ZP1: variants seen among roughly 807,000 people sequenced by gnomAD.
ZP1 encodes zona pellucida sperm-binding protein 1.
In ZP1, 58 loss-of-function variants were observed where a neutral mutation model predicts 67.4. The observed-to-expected ratio is 0.86, with a 90% confidence interval of 0.70 to 1.07. The LOEUF (loss-of-function observed/expected upper bound fraction) is 1.07. ZP1 is among the 50% of genes least tolerant of loss of function. ZP1 has a pLI of 0.00. For missense variants in ZP1, 759 were observed against 807.3 expected, an observed-to-expected ratio of 0.94 and a Z score of 0.72; for synonymous variants, 333 against 332.7, an observed-to-expected ratio of 1.00 and a Z score of -0.01.
Position 60,869,222 on chromosome 11 carries a change from G to T in ZP1, c.274G>T (p.Ala92Ser). Residue 92 changes from alanine to serine, a missense_variant, in exon 2 of 12, where the codon GCA (alanine) becomes TCA (serine). Coordinates refer to ENST00000278853, the MANE Select transcript of ZP1 (RefSeq NM_207341.4). The stretch of plus-strand genomic sequence containing the variant: ...GGTCACCTCCAGGCCGCAGGAGCCT[G>T]CAGTCTTCTCGGCCGATTACAGAGG... ...HWVTSRPQEPAVFSADYRGCH... is the reference protein window; with the variant it reads ...HWVTSRPQEPSVFSADYRGCH... The T allele has an allele frequency of 6.2e-7, 1 of 1,614,210 alleles. No individual in the cohort carries two copies.
intron 9 of ZP1, among the ~76,000 whole-genome samples, 168 bp from the exon 10 acceptor site, chr11:60,874,765 C>G (rs1000824996): frequency 1.3e-5 from 2 of 152,268 alleles, no homozygotes; most frequent in Admixed American, 6.5e-5. Flanking sequence ...TCTGCACTCC[C>G]TCAGCATGGG....
chr11:60,869,337 C>T (rs1855523427), intron 2 of ZP1, 71 bp downstream of exon 2: 1 of 1,589,722 alleles, frequency 6.3e-7, no homozygotes, highest in African/African-American at 1.4e-5. Context: ...AGAGGCCCCT[C>T]ATGAACCAGA....
chr11:60,871,483 G>C (rs539465410), intron 6 of ZP1, among the ~76,000 whole-genome samples, 169 bp downstream of exon 6: 57 of 152,300 alleles, frequency 3.7e-4, no homozygotes, highest in African/African-American at 1.3e-3. Context: ...CCCCTGCTGG[G>C]CAGGGGAAAT....
Position 60,869,723 on chromosome 11 carries a change from G to A in ZP1, c.505G>A (p.Gly169Ser), listed in dbSNP as rs1376266992. ...AACCCTTTCCTTCCTCCCCACCTCT[G>A]GCCATACCTCCCAAGGCTCTGGCCA... is the stretch of plus-strand genomic sequence containing the variant. The part of the protein sequence containing the change: ...PQTLSFLPTS[G>S]HTSQGSGHAF... The change falls in exon 3 of 12, where the codon GGC becomes AGC. Residue 169 changes from glycine (G) to serine (S), a missense_variant. Transcript: ENST00000278853. 1 of 1,613,448 alleles carries A rather than the reference G, an allele frequency of 6.2e-7. No individual in the cohort carries two copies. Among genetic ancestry groups the A allele is most frequent in the Non-Finnish European group, 8.5e-7 (1 of 1,179,740 alleles).
intron 6 of ZP1, 96 bp downstream of exon 6, chr11:60,871,410 A>C: frequency 7.4e-7 from 1 of 1,345,524 alleles, no homozygotes; most frequent in East Asian, 2.5e-5. Flanking sequence ...CTCAGCTCAA[A>C]CCCAGGCTCT....
intron 9 of ZP1, 69 bp downstream of exon 9, chr11:60,873,844 T>C: frequency 6.3e-7 from 1 of 1,591,176 alleles, no homozygotes; most frequent in Non-Finnish European, 8.5e-7. Context: ...GCCAAATCCC[T>C]CTGGCACCCT....
Position 60,869,749 on chromosome 11 carries a change from T to G in ZP1, c.531T>G (p.His177Gln). The change falls in exon 3 of 12, where the codon CAT becomes CAG. Residue 177 changes from histidine (H) to glutamine (Q), a missense_variant. By Grantham distance (24) the His-to-Gln change is conservative (BLOSUM62 0). Coordinates refer to ENST00000278853, the MANE Select transcript of ZP1 (RefSeq NM_207341.4). ...GCCATACCTCCCAAGGCTCTGGCCATGCCTTTCCCAGCCCACTGGACCCAG... is the reference window on the plus strand; with the variant it reads ...GCCATACCTCCCAAGGCTCTGGCCAGGCCTTTCCCAGCCCACTGGACCCAG... ...TSGHTSQGSG[H>Q]AFPSPLDPGH... The G allele has an allele frequency of 6.2e-7, 1 of 1,614,086 alleles. No homozygotes were observed. Among genetic ancestry groups the G allele is most frequent in the Non-Finnish European group, 8.5e-7 (1 of 1,179,986 alleles).
chr11:60,869,224 A>G lies in ZP1; in HGVS notation c.276A>G (p.Ala92=), dbSNP rs1565102322. 1.4e-5 allele frequency: 23 copies of G among 1,614,188 alleles called. No individual in the cohort carries two copies. The highest frequency in any genetic ancestry group is 1.9e-5 in the Non-Finnish European group (23 of 1,180,026). ...HWVTSRPQEP[A]VFSADYRGCH... ...TCACCTCCAGGCCGCAGGAGCCTGCAGTCTTCTCGGCCGATTACAGAGGCT... is the reference window on the plus strand; with the variant it reads ...TCACCTCCAGGCCGCAGGAGCCTGCGGTCTTCTCGGCCGATTACAGAGGCT... The change falls in exon 2 of 12, where the codon GCA becomes GCG. Residue 92 remains alanine, a synonymous_variant. Coordinates refer to ENST00000278853, the MANE Select transcript of ZP1 (RefSeq NM_207341.4).
At chr11:60,875,419 A>G in intron 11 of ZP1, 95 bp from the exon 12 acceptor site, 2 of 1,544,044 alleles carry the variant, frequency 1.3e-6, no homozygotes, top group Non-Finnish European at 1.7e-6. Context: ...GCAGAAAGGC[A>G]GCTTCAGCTC....
intron 9 of ZP1, 61 bp from the exon 10 acceptor site, chr11:60,874,872 T>C: frequency 6.4e-7 from 1 of 1,551,980 alleles, no homozygotes; most frequent in East Asian, 2.2e-5. Flanking sequence ...TGTCCTTCCC[T>C]TTGTGCTTCC....
At position 60,869,550 on chromosome 11, in the gene ZP1, A is replaced by C; in HGVS notation, c.332A>C (p.His111Pro). 6.2e-7 allele frequency: 1 copy of C among 1,607,224 alleles called. No individual in the cohort carries two copies. Among genetic ancestry groups the C allele is most frequent in the African/African-American group, 1.3e-5 (1 of 74,822 alleles). Residue 111 changes from histidine (H) to proline (P), a missense_variant, in exon 3 of 12, where the codon CAC (histidine) becomes CCC (proline). Transcript: ENST00000278853. The stretch of plus-strand genomic sequence containing the variant: ...TCTCACCTGCAGGATGGGCGTTTCC[A>C]CCTGAGGGTGTTCATGGAGGCTGTG... The part of the protein sequence containing the change: ...CHVLEKDGRF[H>P]LRVFMEAVLP...
In ZP1 at chr11:60,873,665, C is replaced by G; in HGVS notation, c.1462C>G (p.Gln488Glu). ...CPFKGDSYRTQMVALDGATPF... is the reference protein window; with the variant it reads ...CPFKGDSYRTEMVALDGATPF... ...TTTCAAGGGCGACAGCTACAGAACC[C>G]AAATGGTAGCCTTGGACGGGGCCAC... Residue 488 changes from glutamine (Q) to glutamate (E), a missense_variant, in exon 9 of 12, where the codon CAA becomes GAA. Physicochemically the swap from Gln to Glu is conservative, Grantham distance 29 (BLOSUM62 2). Transcript: ENST00000278853. The G allele has an allele frequency of 1.2e-6, 2 of 1,614,196 alleles. No individual in the cohort carries two copies. Among genetic ancestry groups the G allele is most frequent in the Non-Finnish European group, 1.7e-6 (2 of 1,180,030 alleles).
In ZP1 at chr11:60,875,553, C is replaced by T. The variant is rs760936498; in HGVS notation, c.1814C>T (p.Ala605Val). The change falls in exon 12 of 12, where the codon GCG becomes GTG. Residue 605 changes from alanine to valine, a missense_variant. Coordinates refer to ENST00000278853, the MANE Select transcript of ZP1 (RefSeq NM_207341.4). ...GNSSLRPLLW[A>V]VLLLPAVALV... ...TCCAGCCTGAGACCTCTCCTTTGGG[C>T]GGTCCTTTTGCTGCCAGCTGTTGCC... 23 of 1,613,976 alleles carry T rather than the reference C, an allele frequency of 1.4e-5. No homozygotes were observed. The highest frequency in any genetic ancestry group is 5.3e-5 in the African/African-American group (4 of 74,930).
rs897023238 is a variant in ZP1, at chr11:60,875,444, C to T, written c.1775-70C>T. On this transcript the variant is annotated intron_variant, in intron 11 of 11. Coordinates refer to ENST00000278853, the MANE Select transcript of ZP1 (RefSeq NM_207341.4). ...AGCTTCAGCTCTGCCCAGTGTGATA[C>T]AAAGTTCTGGGGTGGAGGGGAGGGT... 5 of 1,588,558 alleles carry T rather than the reference C, an allele frequency of 3.1e-6. No homozygotes were observed. In the East Asian group the frequency reaches 6.7e-5, roughly 21 times the overall value.
intron 7 of ZP1, 24 bp downstream of exon 7, chr11:60,873,313 C>T: frequency 6.3e-7 from 1 of 1,584,560 alleles, no homozygotes. Flanking sequence ...TCCCTGCTCT[C>T]TTCTGGCCCC....
At position 60,870,327 on chromosome 11, in the gene ZP1, C is replaced by A; in HGVS notation, c.683-5C>A. 1 of 1,593,558 alleles carries A rather than the reference C, an allele frequency of 6.3e-7. No homozygotes were observed. Among genetic ancestry groups the A allele is most frequent in the Non-Finnish European group, 8.5e-7 (1 of 1,170,580 alleles). ...TTCAGCCTCATCACTCTGTCCCAACCCTAGGTACCCACCTGAGCCAGGAGC... is the reference window on the plus strand; with the variant it reads ...TTCAGCCTCATCACTCTGTCCCAACACTAGGTACCCACCTGAGCCAGGAGC... On this transcript the variant is annotated splice_polypyrimidine_tract_variant and splice_region_variant and intron_variant, in intron 3 of 11. Transcript: ENST00000278853.
intron 4 of ZP1, 88 bp from the exon 5 acceptor site, chr11:60,870,869 G>A (rs1005374089): frequency 2.8e-6 from 4 of 1,428,100 alleles, no homozygotes; most frequent in African/African-American, 2.8e-5. Flanking sequence ...TCCTAGACCG[G>A]CACTTAAAGC....
At chr11:60,869,061 C>A in intron 1 of ZP1, 84 bp from the exon 2 acceptor site, 1 of 1,549,402 alleles carries the variant, frequency 6.5e-7, no homozygotes, top group Non-Finnish European at 8.8e-7. Context: ...CTCCTGGCTG[C>A]TGAGTGGGAA....
intron 11 of ZP1, 22 bp downstream of exon 11, chr11:60,875,270 C>G: frequency 6.2e-7 from 1 of 1,600,614 alleles, no homozygotes; most frequent in Non-Finnish European, 8.5e-7. Context: ...TCTGGGTGGG[C>G]CCCTCAGGCC....
Sources: gnomAD v4.1 joint callset for allele counts (sites outside exome capture counted in the v4.1 genomes callset) on GRCh38, gnomAD v4.1.1 for gene constraint, MANE v1.5 for transcripts, NCBI Gene and HGNC (gene_info 2026-07-23, HGNC 2026-07-21) for gene names.